RADIL: variants seen among roughly 807,000 people sequenced by gnomAD.
RADIL encodes the protein ras-associating and dilute domain-containing protein.
A neutral mutation model predicts 97.6 loss-of-function variants in RADIL; 99 were observed. The observed-to-expected ratio is 1.01, with a 90% confidence interval of 0.86 to 1.20. The LOEUF is 1.20. RADIL is among the 50% of genes most tolerant of loss of function. The probability of loss-of-function intolerance (pLI) is 0.00; values close to 1 mark genes in which losing one functional copy is unlikely to be tolerated. For missense variants in RADIL, 1,765 were observed against 1,498.9 expected (o/e 1.18, Z -2.93); for synonymous variants, 803 against 691.8 (o/e 1.16, Z -2.52).
Position 4,798,998 on chromosome 7 carries a change from C to T in RADIL, c.*380G>A. 1 of 235,632 alleles carries T rather than the reference C, an allele frequency of 4.2e-6. No homozygotes were observed. Among genetic ancestry groups the T allele is most frequent in the Non-Finnish European group, 8.6e-6 (1 of 116,816 alleles). 14.6% of individuals were successfully genotyped at this position (235,632 alleles called of 1,614,324 possible). A position where few individuals can be genotyped will look rare whatever the true frequency, so the allele number is the denominator to read the frequency against. On this transcript the variant is annotated 3_prime_UTR_variant, in exon 15 of 15. Coordinates refer to ENST00000399583, the MANE Select transcript of RADIL (RefSeq NM_018059.5). ...GATGATCCCCTGATGACAGCTGTCA[C>T]TGCATTCTCCCGTGCCGGTGGCAGG...
rs1781951143 is a variant in RADIL, at chr7:4,797,245, C to CGACTCCACGGGGCCTCCCT, written c.*2114_*2132dup. 6.6e-6 allele frequency: 1 copy of CGACTCCACGGGGCCTCCCT among 152,306 alleles called. No individual in the cohort carries two copies. The highest frequency in any genetic ancestry group is 6.5e-5 in the Admixed American group (1 of 15,288). 9.4% of individuals were successfully genotyped at this position (152,306 alleles called of 1,614,324 possible). On this transcript the variant is annotated 3_prime_UTR_variant, in exon 15 of 15. Coordinates refer to ENST00000399583, the MANE Select transcript of RADIL (RefSeq NM_018059.5). ...CGGCCAGAGGCTAGCTGGGCCTCCC[C>CGACTCCACGGGGCCTCCCT]GACTCCACGGGGCCTCCCTTCCTTG...
chr7:4,878,260 G>A lies in RADIL; in HGVS notation c.-64-57C>T. 2 of 1,140,632 alleles carry A rather than the reference G, an allele frequency of 1.8e-6. No homozygotes were observed. The highest frequency in any genetic ancestry group is 2.4e-6 in the Non-Finnish European group (2 of 831,446). 70.7% of individuals were successfully genotyped at this position (1,140,632 alleles called of 1,614,324 possible). A position where few individuals can be genotyped will look rare whatever the true frequency, so the allele number is the denominator to read the frequency against. On this transcript the variant is annotated intron_variant, in intron 1 of 14. Coordinates refer to ENST00000399583, the MANE Select transcript of RADIL (RefSeq NM_018059.5). The surrounding 1 kb of genome is among the most constrained non-coding windows in gnomAD (Gnocchi z 4.1). ...ACCATCGTGACCACCAAGAGCAAAT[G>A]AGGCCACAGGCGGTGACTCCTGCCC...
chr7:4,835,022 T>C lies in RADIL; in HGVS notation c.1001A>G (p.His334Arg). The part of the protein sequence containing the change: ...HISVNFSEVG[H>R]RTVVLHHGDL... Reference sequence around the variant, plus strand: ...CCCGTGGTGCAGCACCACGGTCCTGTGCCCCACCTCGGAGAAGTTGACGGA... The same window carrying C: ...CCCGTGGTGCAGCACCACGGTCCTGCGCCCCACCTCGGAGAAGTTGACGGA... Residue 334 changes from histidine (H) to arginine (R), a missense_variant, in exon 4 of 15, where the codon CAC becomes CGC. By Grantham distance (29) the His-to-Arg change is conservative (BLOSUM62 0). Coordinates refer to ENST00000399583, the MANE Select transcript of RADIL (RefSeq NM_018059.5). This position sits in a 1 kb window ranked among gnomAD's most constrained non-coding sequence, Gnocchi z 5.8. The C allele has an allele frequency of 1.2e-6, 2 of 1,611,324 alleles. No individual in the cohort carries two copies. The highest frequency in any genetic ancestry group is 1.7e-6 in the Non-Finnish European group (2 of 1,179,238).
Position 4,874,022 on chromosome 7 carries a change from CAG to C in RADIL, c.535+3581_535+3582del, listed in dbSNP as rs139752268. ...GCCTAGTGCCGGCTGCAAACTCACT[CAG>C]GGGGACGTGGGACACAGCAAAGGCT... On this transcript the variant is annotated intron_variant, in intron 2 of 14. Transcript: ENST00000399583. Among the ~76,000 whole-genome samples the C allele has an allele frequency of 3.5e-3, 536 of 152,348 alleles. 2 individuals carry two copies. The highest frequency in any genetic ancestry group is 0.012 in the African/African-American group (483 of 41,580).
chr7:4,804,092 C>G, intron 10 of RADIL: 1 of 358,698 alleles, frequency 2.8e-6, no homozygotes, highest in Non-Finnish European at 5.4e-6. Context: ...GTAACTGGAG[C>G]TCCCCCAGCC....
chr7:4,833,482 G>T (rs779715456), intron 4 of RADIL, among the ~76,000 whole-genome samples: 16 of 152,142 alleles, frequency 1.1e-4, no homozygotes, highest in Non-Finnish European at 2.1e-4. Context: ...ATCCCAAGCC[G>T]GGAACCCGAG....
intron 2 of RADIL, chr7:4,861,670 G>C (rs774800091): frequency 3.7e-5 from 59 of 1,600,778 alleles, no homozygotes; most frequent in Non-Finnish European, 4.9e-5. Context: ...CGAAGGGCCT[G>C]AGGGTTTCTA....
At chr7:4,858,985 T>C (rs1238097299) in intron 2 of RADIL, 2 of 152,252 alleles carry the variant, frequency 1.3e-5, no homozygotes, top group Non-Finnish European at 2.9e-5. Flanking sequence ...TGATTGCTAA[T>C]TACTCTAAAA....
rs1783241608 is a variant in RADIL, at chr7:4,834,587, G to GCCCA, written c.1416+16_1416+19dup. The GCCCA allele has an allele frequency of 7.6e-7, 1 of 1,316,014 alleles. No homozygotes were observed. The highest frequency in any genetic ancestry group is 9.7e-7 in the Non-Finnish European group (1 of 1,026,730). 81.5% of individuals were successfully genotyped at this position (1,316,014 alleles called of 1,614,324 possible). A position where few individuals can be genotyped will look rare whatever the true frequency, so the allele number is the denominator to read the frequency against. ...CCCAGACCGGCACAGGACCCAGACC[G>GCCCA]CCCACCCCAGCACACTGACCCAGAC... On this transcript the variant is annotated intron_variant, in intron 4 of 14. Coordinates refer to ENST00000399583, the MANE Select transcript of RADIL (RefSeq NM_018059.5). This position sits in a 1 kb window ranked among gnomAD's most constrained non-coding sequence, Gnocchi z 6.0.
chr7:4,861,946 C>T, intron 2 of RADIL: 2 of 488,944 alleles, frequency 4.1e-6, no homozygotes, highest in Non-Finnish European at 6.9e-6. Flanking sequence ...ACTCCCGCTG[C>T]GCGCCCGCCG....
intron 9 of RADIL, among the ~76,000 whole-genome samples, chr7:4,810,342 G>A (rs1782505403): frequency 6.6e-6 from 1 of 151,800 alleles, no homozygotes; most frequent in Non-Finnish European, 1.5e-5. Context: ...ATTTATGTTT[G>A]GAAAGATGAT....
At position 4,801,902 on chromosome 7, in the gene RADIL, G is replaced by C. The variant is rs752418151; in HGVS notation, c.2593C>G (p.Pro865Ala). ...CCCCTCAAGGGAAGAGTACGCTCCG[G>C]GGCCACTTCCCGGGCTGCTGGGCCA... ...DPGPAAREVA[P>A]ERTLPLRGAP... is the part of the protein sequence containing the mutation. Residue 865 changes from proline (P) to alanine (A), a missense_variant, in exon 12 of 15, where the codon CCG (proline) becomes GCG (alanine). Transcript: ENST00000399583. 1.3e-6 allele frequency: 2 copies of C among 1,574,760 alleles called. No individual in the cohort carries two copies. Among genetic ancestry groups the C allele is most frequent in the East Asian group, 2.3e-5 (1 of 43,768 alleles).
intron 2 of RADIL, among the ~76,000 whole-genome samples, chr7:4,862,213 A>G (rs531676542): frequency 1.3e-5 from 2 of 152,308 alleles, no homozygotes; most frequent in East Asian, 1.9e-4. Flanking sequence ...TATTTGCCCA[A>G]CTTTACCCAT....
rs1002335624 is a variant in RADIL at position 4,879,605 on chromosome 7, G to A, written c.-64-1402C>T. The stretch of plus-strand genomic sequence containing the variant: ...GCGACCGGGGTCAGTACTAAACACC[G>A]CAGCAGCCAACTGTCACTGTCCAGG... On this transcript the variant is annotated intron_variant, in intron 1 of 14. Transcript: ENST00000399583. The surrounding 1 kb of genome is among the most constrained non-coding windows in gnomAD (Gnocchi z 4.1). 6.6e-6 allele frequency among the ~76,000 whole-genome samples: 1 copy of A among 152,150 alleles called. No individual in the cohort carries two copies. The highest frequency in any genetic ancestry group is 2.4e-5 in the African/African-American group (1 of 41,424).
chr7:4,831,557 A>G (rs1413385683), intron 5 of RADIL, among the ~76,000 whole-genome samples: 10 of 149,982 alleles, frequency 6.7e-5, no homozygotes, highest in Non-Finnish European at 1.0e-4. Context: ...TAAATAAACT[A>G]ATAAAATTGT....
rs1436706023 is a variant in RADIL, at chr7:4,800,235, T to TGCTGGACTTCC, written c.2917_2918insGGAAGTCCAGC (p.Tyr973TrpfsTer22). The TGCTGGACTTCC allele has an allele frequency of 6.3e-7, 1 of 1,599,502 alleles. No individual in the cohort carries two copies. Among genetic ancestry groups the TGCTGGACTTCC allele is most frequent in the Admixed American group, 1.7e-5 (1 of 57,540 alleles). ...TCGTTCCAGCTCCACCGTGAAGACG[T>TGCTGGACTTCC]AGCAGAAGTCCTCGGTGCTGGAGCT... On this transcript the variant is annotated frameshift_variant, in exon 13 of 15. Coordinates refer to ENST00000399583, the MANE Select transcript of RADIL (RefSeq NM_018059.5). LOFTEE classifies it high-confidence loss of function.
In RADIL at chr7:4,837,809, G is replaced by A. The variant is rs145420264; in HGVS notation, c.536-1204C>T. The A allele has an allele frequency of 3.4e-4, 338 of 983,752 alleles. 2 individuals are homozygous for A. In the East Asian group the frequency reaches 0.013, roughly 38 times the overall value. The allele number at this position is 983,752 out of a possible 1,614,324, so 60.9% of individuals were successfully genotyped here. On this transcript the variant is annotated intron_variant, in intron 2 of 14. Transcript: ENST00000399583. This position sits in a 1 kb window ranked among gnomAD's most constrained non-coding sequence, Gnocchi z 5.6. ...TGCTCTGGGAAAGCCAGCCGGCTGC[G>A]ATAGATGAAAACCGCTCACCAGTCC...
chr7:4,802,252 C>T (rs1782113771), intron 11 of RADIL, among the ~76,000 whole-genome samples: 1 of 152,210 alleles, frequency 6.6e-6, no homozygotes, highest in Admixed American at 6.5e-5. Context: ...GCTTCCAACC[C>T]TTCTCCTGTC....
chr7:4,876,845 T>C (rs1241504029), intron 2 of RADIL, among the ~76,000 whole-genome samples: 1 of 152,222 alleles, frequency 6.6e-6, no homozygotes, highest in Non-Finnish European at 1.5e-5. Context: ...GAGTGCACCG[T>C]GGTCACCTCT....
Sources: gnomAD v4.1 joint callset for allele counts (sites outside exome capture counted in the v4.1 genomes callset) on GRCh38, gnomAD v4.1.1 for gene constraint, Gnocchi (gnomAD v3.1) non-coding constraint, MANE v1.5 for transcripts, NCBI Gene and HGNC (gene_info 2026-07-23, HGNC 2026-07-21) for gene names.